PEX5L: variants seen among roughly 807,000 people sequenced by gnomAD.
The protein encoded by PEX5L is PEX5-related protein.
In PEX5L, 30 loss-of-function variants were observed where a neutral mutation model predicts 84.0. The ratio of observed to expected loss-of-function variants is 0.36; its 90% CI spans 0.27 to 0.48. PEX5L has a LOEUF of 0.48. PEX5L is among the 20% of genes least tolerant of loss of function. PEX5L has a pLI of 0.99. For missense variants in PEX5L, 533 were observed against 754.6 expected (o/e 0.71, Z 3.44); for synonymous variants, 270 against 283.1 (o/e 0.95, Z 0.46).
At chr3:180,010,312 C>T (rs1019003371) in intron 1 of PEX5L, among the ~76,000 whole-genome samples, 1 of 134,880 alleles carries the variant, frequency 7.4e-6, no homozygotes, top group Non-Finnish European at 1.5e-5. Context: ...TGGCCTTGAA[C>T]TCCTGGGCTC....
intron 1 of PEX5L, among the ~76,000 whole-genome samples, chr3:180,026,696 TA>T (rs1175143105): frequency 6.6e-6 from 1 of 152,206 alleles, no homozygotes; most frequent in African/African-American, 2.4e-5. Flanking sequence ...GTCCTGTCTC[TA>T]ATGGCAGGTA....
At chr3:179,904,186 C>T (rs1275176509) in intron 2 of PEX5L, among the ~76,000 whole-genome samples, 1 of 152,180 alleles carries the variant, frequency 6.6e-6, no homozygotes, top group African/African-American at 2.4e-5. Flanking sequence ...TTATGTATTT[C>T]TCCCTTACTG....
At chr3:179,825,357 G>A (rs1414316336) in intron 8 of PEX5L, among the ~76,000 whole-genome samples, 43 of 152,218 alleles carry the variant, frequency 2.8e-4, no homozygotes. Flanking sequence ...TTCAGGGATG[G>A]AATGACCAAT....
intron 1 of PEX5L, among the ~76,000 whole-genome samples, chr3:179,992,302 T>C (rs1787456274): frequency 6.6e-6 from 1 of 152,232 alleles, no homozygotes; most frequent in Admixed American, 6.5e-5. Flanking sequence ...CTGACTTTCA[T>C]TCCCCCATGT....
intron 2 of PEX5L, 114 bp downstream of exon 2, chr3:179,971,480 G>C: frequency 7.6e-7 from 1 of 1,316,230 alleles, no homozygotes; most frequent in Non-Finnish European, 9.7e-7. Flanking sequence ...TTGTTATGCA[G>C]GCTTTAGTCA....
At chr3:179,831,695 C>T (rs6763577) in intron 8 of PEX5L, among the ~76,000 whole-genome samples, 6,270 of 152,154 alleles carry the variant, frequency 0.041, 388 homozygotes, top group African/African-American at 0.13. Flanking sequence ...GTTCAGGAGT[C>T]TTCTTGGAAG....
intron 1 of PEX5L, among the ~76,000 whole-genome samples, chr3:179,996,868 G>A (rs1008850246): frequency 6.6e-6 from 1 of 152,224 alleles, no homozygotes; most frequent in East Asian, 1.9e-4. Flanking sequence ...GACTCATGTA[G>A]AGCTCTGTCA....
At chr3:179,953,851 A>T (rs867815434) in intron 2 of PEX5L, among the ~76,000 whole-genome samples, 1 of 152,196 alleles carries the variant, frequency 6.6e-6, no homozygotes, top group Non-Finnish European at 1.5e-5. Flanking sequence ...GAAGGAGTGA[A>T]AGAGCTGAAA....
chr3:179,859,295 T>A (rs113565047), intron 7 of PEX5L, 138 bp from the exon 8 acceptor site: 1 of 656,434 alleles, frequency 1.5e-6, no homozygotes, highest in Non-Finnish European at 2.7e-6. Context: ...TTTGGAGTAC[T>A]GTGCTGGTAT....
In PEX5L at chr3:179,796,926, C is replaced by T. The variant is rs1279195372; in HGVS notation, c.*4902G>A. Reference sequence around the variant, plus strand: ...GATACCCCACACACTTGCTATGTGACATTTATGAAAATTAAGGCCCCATAT... The same window carrying T: ...GATACCCCACACACTTGCTATGTGATATTTATGAAAATTAAGGCCCCATAT... On this transcript the variant is annotated 3_prime_UTR_variant, in exon 15 of 15. Transcript: ENST00000467460. 6.6e-6 allele frequency: 1 copy of T among 152,172 alleles called. No individual in the cohort carries two copies. The highest frequency in any genetic ancestry group is 1.5e-5 in the Non-Finnish European group (1 of 68,026). The allele number at this position is 152,172 out of a possible 1,614,324, so 9.4% of individuals were successfully genotyped here. A position where few individuals can be genotyped will look rare whatever the true frequency, so the allele number is the denominator to read the frequency against.
At chr3:179,870,600 C>T (rs570237583) in intron 7 of PEX5L, among the ~76,000 whole-genome samples, 2 of 152,274 alleles carry the variant, frequency 1.3e-5, no homozygotes, top group Admixed American at 1.3e-4. Flanking sequence ...GTTCTTCAGG[C>T]CCCTTCATTT....
chr3:179,872,790 A>C (rs1235601837), intron 7 of PEX5L, among the ~76,000 whole-genome samples: 1 of 152,228 alleles, frequency 6.6e-6, no homozygotes, highest in Admixed American at 6.5e-5. Context: ...CCAGTTTATG[A>C]AACAGTACCA....
chr3:179,866,665 A>C (rs887786272), intron 7 of PEX5L, among the ~76,000 whole-genome samples: 3 of 152,156 alleles, frequency 2.0e-5, no homozygotes, highest in African/African-American at 7.2e-5. Context: ...TAGATCATTT[A>C]AACACTTTCC....
At chr3:179,974,687 T>C (rs1785533018) in intron 1 of PEX5L, among the ~76,000 whole-genome samples, 1 of 152,188 alleles carries the variant, frequency 6.6e-6, no homozygotes, top group East Asian at 1.9e-4. Flanking sequence ...AGTTCTTTGT[T>C]AATGCTGATA....
At chr3:179,940,034 GC>G (rs1365054794) in intron 2 of PEX5L, among the ~76,000 whole-genome samples, 15 of 152,224 alleles carry the variant, frequency 9.9e-5, no homozygotes, top group Non-Finnish European at 2.2e-4. Flanking sequence ...TACATGAGGT[GC>G]AAAATTTTAA....
intron 5 of PEX5L, among the ~76,000 whole-genome samples, chr3:179,877,868 C>G (rs1021513178): frequency 6.6e-6 from 1 of 152,136 alleles, no homozygotes; most frequent in Non-Finnish European, 1.5e-5. Flanking sequence ...AATTTCCCTC[C>G]AAAGACAGAC....
intron 1 of PEX5L, among the ~76,000 whole-genome samples, chr3:179,989,730 G>C (rs758164503): frequency 1.3e-5 from 2 of 152,078 alleles, no homozygotes; most frequent in Non-Finnish European, 2.9e-5. Context: ...AATCAACTTT[G>C]ACACAATTAT....
intron 1 of PEX5L, among the ~76,000 whole-genome samples, chr3:179,990,818 T>C (rs1003202811): frequency 1.3e-5 from 2 of 152,192 alleles, no homozygotes; most frequent in Admixed American, 6.5e-5. Context: ...TTTCACAGAC[T>C]CCTGAGGTAA....
At chr3:179,856,347 T>G (rs898362959) in intron 8 of PEX5L, among the ~76,000 whole-genome samples, 65 of 151,748 alleles carry the variant, frequency 4.3e-4, no homozygotes, top group African/African-American at 1.6e-3. Flanking sequence ...TAGACATTTT[T>G]AATAGTTACA....
Sources: gnomAD v4.1 joint callset for allele counts (sites outside exome capture counted in the v4.1 genomes callset) on GRCh38, gnomAD v4.1.1 for gene constraint, MANE v1.5 for transcripts, NCBI Gene and HGNC (gene_info 2026-07-23, HGNC 2026-07-21) for gene names.